Variants in ROBO2 observed in about 807,000 individuals in gnomAD.
The protein encoded by ROBO2 is roundabout guidance receptor 2.
ROBO2 carries 53 observed loss-of-function variants against 160.8 expected under a neutral mutation model. That is an observed-to-expected ratio of 0.33 (90% CI 0.26 to 0.41). The LOEUF (loss-of-function observed/expected upper bound fraction) is 0.41. ROBO2 is among the 10% of genes least tolerant of loss of function. ROBO2 has a pLI of 1.00. For missense variants in ROBO2, 1,577 were observed against 1,722.4 expected (o/e 0.92, Z 1.49); for synonymous variants, 664 against 611.7 (o/e 1.09, Z -1.26).
chr3:77,086,144 G>A (rs879470459), intron 1 of ROBO2, among the ~76,000 whole-genome samples: 3 of 152,008 alleles, frequency 2.0e-5, no homozygotes, highest in Non-Finnish European at 2.9e-5. Context: ...CTTTAAAAAG[G>A]CCGTTATCTT....
chr3:77,511,927 G>A (rs553048348), intron 5 of ROBO2, among the ~76,000 whole-genome samples: 11 of 151,716 alleles, frequency 7.3e-5, no homozygotes, highest in South Asian at 2.1e-4. Flanking sequence ...AAGGGTATCC[G>A]TCTCTCATAC....
intron 2 of ROBO2, among the ~76,000 whole-genome samples, chr3:76,555,607 A>G (rs1377683566): frequency 6.6e-6 from 1 of 152,206 alleles, no homozygotes; most frequent in Non-Finnish European, 1.5e-5. Flanking sequence ...AAATGTATTA[A>G]GATGGCTCTT....
In ROBO2 at chr3:77,336,391, C is replaced by T. The variant is rs549655212; in HGVS notation, c.389-141023C>T. Among the ~76,000 whole-genome samples, 5 of 151,706 alleles carry T rather than the reference C, an allele frequency of 3.3e-5. 1 individual carries two copies. The highest frequency in any genetic ancestry group is 1.2e-4 in the African/African-American group (5 of 41,428). On this transcript the variant is annotated intron_variant, in intron 2 of 25. Coordinates refer to ENST00000461745, the Ensembl canonical transcript of ROBO2. ...TGTTTGTCTACTAGCCTTCTTTGTA[C>T]CTCCCTCTCCTTCCCTTTGGAACTT...
chr3:77,285,874 T>G (rs1008489643), intron 2 of ROBO2, among the ~76,000 whole-genome samples: 1 of 152,200 alleles, frequency 6.6e-6, no homozygotes, highest in Admixed American at 6.5e-5. Flanking sequence ...AAATAAATGT[T>G]ATTTATTTTT....
At chr3:76,383,517 T>A (rs2076734111) in intron 2 of ROBO2, among the ~76,000 whole-genome samples, 3 of 152,240 alleles carry the variant, frequency 2.0e-5, no homozygotes, top group Admixed American at 2.0e-4. Flanking sequence ...CAAAAACTTT[T>A]TATATGTTTT....
At chr3:76,470,736 A>G (rs937063093) in intron 2 of ROBO2, among the ~76,000 whole-genome samples, 2 of 152,162 alleles carry the variant, frequency 1.3e-5, no homozygotes, top group African/African-American at 4.8e-5. Context: ...CTCTAGAAGA[A>G]TATTAATACT....
intron 2 of ROBO2, among the ~76,000 whole-genome samples, chr3:76,977,816 C>T (rs538100575): frequency 2.6e-5 from 4 of 152,150 alleles, no homozygotes; most frequent in African/African-American, 7.2e-5. Context: ...TTAGTATTTT[C>T]ATAAAGATAC....
At chr3:76,439,092 A>G (rs2076809054) in intron 2 of ROBO2, among the ~76,000 whole-genome samples, 1 of 152,172 alleles carries the variant, frequency 6.6e-6, no homozygotes. Flanking sequence ...GAAATAGAAC[A>G]AGTAACTAGT....
At chr3:76,864,514 T>C (rs917269918) in intron 2 of ROBO2, among the ~76,000 whole-genome samples, 10 of 152,036 alleles carry the variant, frequency 6.6e-5, no homozygotes, top group Admixed American at 5.2e-4. Context: ...TAGGGTAGAA[T>C]TGCCAGAAAC....
At position 76,719,655 on chromosome 3, in the gene ROBO2, G is replaced by A. The variant is rs377079571; in HGVS notation, c.110-378359G>A. On this transcript the variant is annotated intron_variant, in intron 2 of 26. Transcript: ENST00000487694. ...TCCCAGCACTTTGGGAGGCCGAGGCGGGTGGATCGCCTGAGGTCAGGAGTT... is the reference window on the plus strand; with the variant it reads ...TCCCAGCACTTTGGGAGGCCGAGGCAGGTGGATCGCCTGAGGTCAGGAGTT... Among the ~76,000 whole-genome samples, 48 of 152,250 alleles carry A rather than the reference G, an allele frequency of 3.2e-4. No individual in the cohort carries two copies. In the East Asian group the frequency reaches 8.9e-3, roughly 28 times the overall value.
chr3:77,130,876 A>G (rs575076701), intron 2 of ROBO2, among the ~76,000 whole-genome samples: 4 of 152,202 alleles, frequency 2.6e-5, no homozygotes, highest in African/African-American at 2.4e-5. Flanking sequence ...CATCATTTAT[A>G]TATGAATTAT....
chr3:76,712,792 GTTCCT>G (rs1439025003), intron 2 of ROBO2, among the ~76,000 whole-genome samples: 3 of 151,990 alleles, frequency 2.0e-5, no homozygotes, highest in Non-Finnish European at 4.4e-5. Flanking sequence ...CTCTTGCTTT[GTTCCT>G]TTCTTTTCCA....
At chr3:76,210,101 A>G (rs1448020624) in intron 2 of ROBO2, among the ~76,000 whole-genome samples, 2 of 152,156 alleles carry the variant, frequency 1.3e-5, no homozygotes, top group Admixed American at 6.6e-5. Context: ...AGATATTTGC[A>G]TGTTACAGGA....
chr3:76,881,746 T>A (rs969722416), intron 2 of ROBO2, among the ~76,000 whole-genome samples: 1 of 152,236 alleles, frequency 6.6e-6, no homozygotes, highest in Non-Finnish European at 1.5e-5. Flanking sequence ...TCTGAATATG[T>A]CTTTTGACCC....
chr3:77,648,476 C>T (rs969626500), exon 26 of ROBO2: 6 of 152,180 alleles, frequency 3.9e-5, no homozygotes, highest in African/African-American at 1.4e-4. Flanking sequence ...TAAAAATTAA[C>T]TGTTGTAGTT....
At chr3:77,504,345 G>A (rs760141809) in intron 5 of ROBO2, among the ~76,000 whole-genome samples, 8 of 151,676 alleles carry the variant, frequency 5.3e-5, no homozygotes, top group Non-Finnish European at 8.8e-5. Context: ...ATAAATGGCA[G>A]TTGTTATAAA....
intron 2 of ROBO2, among the ~76,000 whole-genome samples, chr3:76,959,510 T>A (rs1258975596): frequency 1.3e-5 from 2 of 152,162 alleles, no homozygotes; most frequent in African/African-American, 2.4e-5. Context: ...TTTGTGTGAG[T>A]AGCAGAGGAA....
intron 1 of ROBO2, among the ~76,000 whole-genome samples, chr3:77,086,199 G>A (rs1413303591): frequency 6.6e-6 from 1 of 152,012 alleles, no homozygotes; most frequent in Admixed American, 6.6e-5. Context: ...AGACTCCTTT[G>A]AGTTTAGAGA....
chr3:76,956,841 AT>A, intron 2 of ROBO2, among the ~76,000 whole-genome samples: 1 of 152,170 alleles, frequency 6.6e-6, no homozygotes, highest in East Asian at 1.9e-4. Context: ...ACAAATTTGC[AT>A]TTTTGGCAAG....
Sources: allele counts gnomAD v4.1 joint callset (sites outside exome capture counted in the v4.1 genomes callset), GRCh38; gene constraint gnomAD v4.1.1; transcripts MANE v1.5; gene names NCBI Gene and HGNC (gene_info 2026-07-23, HGNC 2026-07-21).